The following CCBE1 variants were observed in gnomAD, a reference collection of about 807,000 sequenced individuals.
CCBE1 encodes collagen and calcium-binding EGF domain-containing protein 1.
A neutral mutation model predicts 50.0 loss-of-function variants in CCBE1; 37 were observed. The ratio of observed to expected loss-of-function variants is 0.74; its 90% CI spans 0.57 to 0.97. The LOEUF is 0.97. Ranked by LOEUF, CCBE1 falls within the 50% of genes least tolerant of loss-of-function variation. The probability of loss-of-function intolerance (pLI) is 0.00; values close to 1 mark genes in which losing one functional copy is unlikely to be tolerated. For synonymous variants in CCBE1, 234 were observed against 203.7 expected (o/e 1.15, Z -1.27); for missense variants, 538 against 523.8 (o/e 1.03, Z -0.26).
intron 2 of CCBE1, among the ~76,000 whole-genome samples, chr18:59,510,570 C>T (rs376021908): frequency 1.6e-4 from 25 of 152,092 alleles, no homozygotes; most frequent in African/African-American, 5.3e-4. Context: ...TATAGGTGCC[C>T]GCCACCACAC....
intron 9 of CCBE1, among the ~76,000 whole-genome samples, chr18:59,438,923 G>A (rs1293952765): frequency 6.6e-6 from 1 of 152,130 alleles, no homozygotes; most frequent in Non-Finnish European, 1.5e-5. Context: ...GCTGAGACGG[G>A]CAGATCACCT....
chr18:59,631,731 G>T (rs17780793), intron 2 of CCBE1, among the ~76,000 whole-genome samples: 1 of 152,158 alleles, frequency 6.6e-6, no homozygotes, highest in East Asian at 1.9e-4. Flanking sequence ...AGAAGCACTG[G>T]GCACTAAATA....
Position 59,435,650 on chromosome 18 carries a change from G to A in CCBE1, c.*258C>T. 1.9e-6 allele frequency: 1 copy of A among 529,458 alleles called. No homozygotes were observed. 32.8% of individuals were successfully genotyped at this position (529,458 alleles called of 1,614,324 possible). ...TGGAAAAATAGGATGTAAAAGAAAA[G>A]TTACAATGCAAACCACCCCAATGGA... On this transcript the variant is annotated 3_prime_UTR_variant, in exon 11 of 11. Coordinates refer to ENST00000439986, the MANE Select transcript of CCBE1 (RefSeq NM_133459.4).
chr18:59,505,618 A>G (rs1415556103), intron 2 of CCBE1, among the ~76,000 whole-genome samples: 1 of 152,230 alleles, frequency 6.6e-6, no homozygotes, highest in Non-Finnish European at 1.5e-5. Context: ...GTGTTACACA[A>G]TTTCATATCT....
chr18:59,510,402 A>C (rs1019785642), intron 2 of CCBE1, among the ~76,000 whole-genome samples: 4 of 152,156 alleles, frequency 2.6e-5, no homozygotes, highest in African/African-American at 9.7e-5. Flanking sequence ...TATAATATGA[A>C]TAATTTTTAA....
chr18:59,692,953 AAAGCACACACACACAC>A (rs1167983323), intron 2 of CCBE1, among the ~76,000 whole-genome samples: 3 of 94,468 alleles, frequency 3.2e-5, no homozygotes, highest in African/African-American at 4.6e-5. Flanking sequence ...TTGTCAAGCC[AAAGCACACACACACAC>A]ACACACACAC....
intron 2 of CCBE1, among the ~76,000 whole-genome samples, chr18:59,596,866 A>G (rs72964885): frequency 0.087 from 13,243 of 152,294 alleles, 710 homozygotes; most frequent in East Asian, 0.11. Context: ...ACCCAGTTAC[A>G]ACTTCCAGAC....
chr18:59,571,589 C>T (rs1400920649), intron 2 of CCBE1, among the ~76,000 whole-genome samples: 2 of 152,004 alleles, frequency 1.3e-5, no homozygotes, highest in Admixed American at 1.3e-4. Flanking sequence ...CAAACCTGCA[C>T]GTTGTGCGCA....
At chr18:59,556,596 C>G (rs1041890736) in intron 2 of CCBE1, among the ~76,000 whole-genome samples, 3 of 152,120 alleles carry the variant, frequency 2.0e-5, no homozygotes, top group African/African-American at 7.2e-5. Context: ...CAGGCAATGA[C>G]CTGTGTGACC....
At chr18:59,677,621 TA>T (rs1221477448) in intron 2 of CCBE1, among the ~76,000 whole-genome samples, 1 of 151,762 alleles carries the variant, frequency 6.6e-6, no homozygotes, top group Non-Finnish European at 1.5e-5. Context: ...CAGAGAAAGA[TA>T]AATTTTCCAG....
chr18:59,462,799 T>C (rs192311854), intron 5 of CCBE1, among the ~76,000 whole-genome samples: 1 of 152,318 alleles, frequency 6.6e-6, no homozygotes, highest in African/African-American at 2.4e-5. Context: ...CACAGGACCT[T>C]AAGAAAGATA....
intron 2 of CCBE1, among the ~76,000 whole-genome samples, chr18:59,518,511 G>A (rs1323630834): frequency 6.6e-6 from 1 of 152,214 alleles, no homozygotes; most frequent in Admixed American, 6.5e-5. Flanking sequence ...ATCTTCTCTT[G>A]TCATCATATT....
chr18:59,680,204 G>C (rs986087281), intron 2 of CCBE1, among the ~76,000 whole-genome samples: 1 of 144,354 alleles, frequency 6.9e-6, no homozygotes, highest in Non-Finnish European at 1.5e-5. Flanking sequence ...CTGGGCGACA[G>C]AGTGAGACCC....
chr18:59,553,737 G>A (rs1277102145), intron 2 of CCBE1, among the ~76,000 whole-genome samples: 3 of 152,206 alleles, frequency 2.0e-5, no homozygotes, highest in Non-Finnish European at 4.4e-5. Context: ...AAATGTCACT[G>A]CTGTTTTCAG....
At chr18:59,446,875 T>A (rs1910694815) in intron 7 of CCBE1, among the ~76,000 whole-genome samples, 1 of 152,158 alleles carries the variant, frequency 6.6e-6, no homozygotes, top group Admixed American at 6.5e-5. Context: ...TGTCAAGAGG[T>A]CATTCATAAT....
intron 2 of CCBE1, among the ~76,000 whole-genome samples, chr18:59,599,092 A>T (rs182928696): frequency 6.6e-6 from 1 of 152,148 alleles, no homozygotes; most frequent in Non-Finnish European, 1.5e-5. Context: ...TTCTTCTTCT[A>T]CTACTACTTT....
chr18:59,548,552 T>C (rs1299385630), intron 2 of CCBE1, among the ~76,000 whole-genome samples: 1 of 152,198 alleles, frequency 6.6e-6, no homozygotes, highest in Non-Finnish European at 1.5e-5. Context: ...GAAGCCCTCC[T>C]GAGAGACCCT....
chr18:59,593,423 T>C (rs894993863), intron 2 of CCBE1, among the ~76,000 whole-genome samples: 11 of 152,234 alleles, frequency 7.2e-5, no homozygotes, highest in Non-Finnish European at 8.8e-5. Context: ...ATTGTAAGTA[T>C]TGCCAACAAT....
chr18:59,675,866 G>T (rs2054494527), intron 2 of CCBE1, among the ~76,000 whole-genome samples: 1 of 152,182 alleles, frequency 6.6e-6, no homozygotes, highest in Non-Finnish European at 1.5e-5. Flanking sequence ...AAGAGGCAAG[G>T]TCTCTAAGAT....
Sources: allele counts gnomAD v4.1 joint callset (sites outside exome capture counted in the v4.1 genomes callset), GRCh38; gene constraint gnomAD v4.1.1; transcripts MANE v1.5; gene names NCBI Gene and HGNC (gene_info 2026-07-23, HGNC 2026-07-21).